SNTG1: variants seen among roughly 807,000 people sequenced by gnomAD.
The protein encoded by SNTG1 is gamma-1-syntrophin.
A neutral mutation model predicts 74.7 loss-of-function variants in SNTG1; 39 were observed. The ratio of observed to expected loss-of-function variants is 0.52; its 90% CI spans 0.40 to 0.68. SNTG1 has a LOEUF of 0.68. SNTG1 is among the 30% of genes least tolerant of loss of function. SNTG1 has a pLI of 0.00. For synonymous variants in SNTG1, 254 were observed against 217.1 expected, an observed-to-expected ratio of 1.17 and a Z score of -1.49; for missense variants, 685 against 609.5, an observed-to-expected ratio of 1.12 and a Z score of -1.30.
intron 15 of SNTG1, among the ~76,000 whole-genome samples, chr8:50,678,588 C>T (rs2095318616): frequency 6.6e-6 from 1 of 151,522 alleles, no homozygotes; most frequent in Non-Finnish European, 1.5e-5. Flanking sequence ...TATACAATTT[C>T]ATTTTTATTT....
chr8:50,296,526 C>T (rs1214133881), intron 2 of SNTG1, among the ~76,000 whole-genome samples: 1 of 152,080 alleles, frequency 6.6e-6, no homozygotes, highest in Non-Finnish European at 1.5e-5. Flanking sequence ...GAAAACTAAA[C>T]ACCTCATGTT....
intron 15 of SNTG1, among the ~76,000 whole-genome samples, chr8:50,696,829 C>T (rs1012056802): frequency 6.6e-6 from 1 of 151,962 alleles, no homozygotes; most frequent in Non-Finnish European, 1.5e-5. Flanking sequence ...CAGTACCATG[C>T]TATTTTGCTT....
intron 1 of SNTG1, among the ~76,000 whole-genome samples, chr8:50,117,203 TTC>T (rs2080853338): frequency 6.6e-6 from 1 of 152,056 alleles, no homozygotes; most frequent in South Asian, 2.1e-4. Flanking sequence ...CCTGAAAATA[TTC>T]AAATGCCTTT....
At chr8:50,184,741 C>G (rs1322907656) in intron 2 of SNTG1, among the ~76,000 whole-genome samples, 1 of 152,014 alleles carries the variant, frequency 6.6e-6, no homozygotes, top group African/African-American at 2.4e-5. Context: ...CATTCAGATT[C>G]CTTTTTAATG....
intron 2 of SNTG1, among the ~76,000 whole-genome samples, chr8:50,247,670 T>G (rs531923355): frequency 8.5e-6 from 1 of 117,988 alleles, no homozygotes; most frequent in East Asian, 2.7e-4. Context: ...CAGTCCCAGC[T>G]AAAGTTTTTA....
chr8:50,747,534 A>G (rs1585699052), intron 17 of SNTG1, among the ~76,000 whole-genome samples: 1 of 152,152 alleles, frequency 6.6e-6, no homozygotes, highest in East Asian at 1.9e-4. Flanking sequence ...CTACCTTATC[A>G]TATGCTTACC....
chr8:50,780,498 T>G (rs2131828099), intron 18 of SNTG1, among the ~76,000 whole-genome samples: 1 of 152,326 alleles, frequency 6.6e-6, no homozygotes, highest in Non-Finnish European at 1.5e-5. Flanking sequence ...CATAGAGGTG[T>G]TTGTAGTATT....
At chr8:50,106,607 T>C (rs2080381811) in intron 1 of SNTG1, among the ~76,000 whole-genome samples, 1 of 152,140 alleles carries the variant, frequency 6.6e-6, no homozygotes. Flanking sequence ...TTGTTGAGGA[T>C]TTTTAACATG....
At chr8:50,670,953 T>A (rs1186916182) in intron 15 of SNTG1, among the ~76,000 whole-genome samples, 1 of 151,346 alleles carries the variant, frequency 6.6e-6, no homozygotes, top group Non-Finnish European at 1.5e-5. Context: ...AAGGATTCCC[T>A]ATTTAATAAA....
chr8:50,569,400 A>C (rs2094534093), intron 12 of SNTG1, among the ~76,000 whole-genome samples: 1 of 132,926 alleles, frequency 7.5e-6, no homozygotes, highest in Non-Finnish European at 1.6e-5. Flanking sequence ...TGCAGAAGTG[A>C]AAAAAAAAAA....
chr8:50,627,197 T>C (rs1210744815), intron 13 of SNTG1, among the ~76,000 whole-genome samples: 1 of 152,240 alleles, frequency 6.6e-6, no homozygotes, highest in Non-Finnish European at 1.5e-5. Context: ...TGAGTCACTT[T>C]GTTTTCTGTG....
chr8:50,358,996 G>T (rs1408897408), intron 2 of SNTG1, among the ~76,000 whole-genome samples: 1 of 152,106 alleles, frequency 6.6e-6, no homozygotes, highest in Non-Finnish European at 1.5e-5. Context: ...GGCCTTGCTG[G>T]CACCTAGTTG....
At position 50,124,354 on chromosome 8, in the gene SNTG1, T is replaced by C. The variant is rs573160128; in HGVS notation, c.-102-48207T>C. On this transcript the variant is annotated intron_variant, in intron 1 of 18. Coordinates refer to ENST00000642720, the MANE Select transcript of SNTG1 (RefSeq NM_018967.5). ...TCAGTTGTTTAAGTCACCCAGTATC[T>C]GCTACTGTTTTATGGCAGGCCTAGC... Among the ~76,000 whole-genome samples the C allele has an allele frequency of 2.0e-4, 29 of 142,440 alleles. 7 individuals carry two copies. The South Asian group carries it at 7.3e-3, about 36-fold the overall frequency. The allele number at this position is 142,440 out of a possible 152,430, so 93.4% of individuals were successfully genotyped here.
chr8:50,708,863 A>G, intron 16 of SNTG1, 23 bp from the exon 17 acceptor site: 1 of 1,523,686 alleles, frequency 6.6e-7, no homozygotes, highest in Non-Finnish European at 9.1e-7. Context: ...ATGAAAAGTA[A>G]CAATACTTTC....
chr8:50,467,844 T>C (rs1171783323), intron 8 of SNTG1, among the ~76,000 whole-genome samples: 2 of 152,028 alleles, frequency 1.3e-5, no homozygotes, highest in South Asian at 2.1e-4. Context: ...TTCACTTTTA[T>C]TGAGTTCAAA....
intron 8 of SNTG1, among the ~76,000 whole-genome samples, chr8:50,501,702 C>T (rs1317376611): frequency 6.6e-6 from 1 of 151,524 alleles, no homozygotes; most frequent in Non-Finnish European, 1.5e-5. Flanking sequence ...AGATGATCCA[C>T]CTGCCTCGGT....
chr8:50,645,900 A>G (rs1167043858), intron 13 of SNTG1, among the ~76,000 whole-genome samples: 2 of 152,028 alleles, frequency 1.3e-5, no homozygotes, highest in Non-Finnish European at 1.5e-5. Context: ...TGAGGGGGAA[A>G]GTGTCTCGGA....
At chr8:50,253,633 T>C (rs2086743016) in intron 2 of SNTG1, among the ~76,000 whole-genome samples, 1 of 147,244 alleles carries the variant, frequency 6.8e-6, no homozygotes. Flanking sequence ...TGTGTGTGTG[T>C]TCCATATATA....
intron 1 of SNTG1, among the ~76,000 whole-genome samples, chr8:49,969,127 T>C (rs1292570933): frequency 6.6e-6 from 1 of 152,190 alleles, no homozygotes; most frequent in Non-Finnish European, 1.5e-5. Flanking sequence ...GTGGCTTGTA[T>C]GTGTGCTGCT....
Sources: gnomAD v4.1 joint callset for allele counts (sites outside exome capture counted in the v4.1 genomes callset) on GRCh38, gnomAD v4.1.1 for gene constraint, MANE v1.5 for transcripts, NCBI Gene and HGNC (gene_info 2026-07-23, HGNC 2026-07-21) for gene names.